The following FOXN3 variants were observed in gnomAD, a reference collection of about 807,000 sequenced individuals.
FOXN3 encodes the protein forkhead box N3.
Under a neutral mutation model 38.4 loss-of-function variants are expected in FOXN3, and 7 were observed. That is an observed-to-expected ratio of 0.18 (90% CI 0.10 to 0.34). The LOEUF (loss-of-function observed/expected upper bound fraction) is 0.34, where lower values mean the gene tolerates loss of function less well. Ranked by LOEUF, FOXN3 falls within the 10% of genes least tolerant of loss-of-function variation. FOXN3 has a pLI of 1.00. For missense variants in FOXN3, 456 were observed against 613.4 expected (o/e 0.74, Z 2.71); for synonymous variants, 230 against 242.2 (o/e 0.95, Z 0.47).
Position 89,158,777 on chromosome 14 carries a change from T to G in FOXN3, c.*3637A>C, listed in dbSNP as rs1005860881. 1 of 152,682 alleles carries G rather than the reference T, an allele frequency of 6.5e-6. No individual in the cohort carries two copies. The highest frequency in any genetic ancestry group is 1.5e-5 in the Non-Finnish European group (1 of 68,002). The allele number at this position is 152,682 out of a possible 1,614,324, so 9.5% of individuals were successfully genotyped here. ...TCTCTTAAATGTATCCGAGGGCCAA[T>G]AGCAAGTAATCGTAGACGTCGTGGT... On this transcript the variant is annotated 3_prime_UTR_variant, in exon 6 of 6. Transcript: ENST00000557258.
At chr14:89,525,489 A>C (rs912121179) in intron 1 of FOXN3, among the ~76,000 whole-genome samples, 1 of 152,164 alleles carries the variant, frequency 6.6e-6, no homozygotes, top group Non-Finnish European at 1.5e-5. Flanking sequence ...TTCCCAGAAA[A>C]CCCATGTATA....
rs116352795 is a variant in FOXN3, at chr14:89,585,425, A to T, written c.-15+33603T>A. On this transcript the variant is annotated intron_variant, in intron 1 of 6. Transcript: ENST00000345097. Reference sequence around the variant, plus strand: ...TTAATAAGAAAAGTAAATGTGTTTAAGTCATGTCTGCTTTATCATATGTAT... The same window carrying T: ...TTAATAAGAAAAGTAAATGTGTTTATGTCATGTCTGCTTTATCATATGTAT... 3.0e-3 allele frequency among the ~76,000 whole-genome samples: 453 copies of T among 152,324 alleles called. 4 individuals carry two copies. The highest frequency in any genetic ancestry group is 0.011 in the African/African-American group (438 of 41,568).
chr14:89,453,683 G>C (rs1892665695), intron 1 of FOXN3, among the ~76,000 whole-genome samples: 1 of 151,012 alleles, frequency 6.6e-6, no homozygotes, highest in South Asian at 2.1e-4. Flanking sequence ...AAATTGAAAA[G>C]ATGGGTAAAA....
chr14:89,460,975 C>T (rs1026338320), intron 1 of FOXN3, among the ~76,000 whole-genome samples: 3 of 148,266 alleles, frequency 2.0e-5, no homozygotes, highest in African/African-American at 7.6e-5. Context: ...TTGCAGTGAG[C>T]CGAGATCACG....
chr14:89,491,153 T>G (rs945867952), intron 1 of FOXN3, among the ~76,000 whole-genome samples: 1 of 151,762 alleles, frequency 6.6e-6, no homozygotes, highest in Non-Finnish European at 1.5e-5. Context: ...TTTTTTTTTT[T>G]TAAGTAGAGA....
intron 1 of FOXN3, among the ~76,000 whole-genome samples, chr14:89,598,718 C>T (rs979461781): frequency 1.2e-4 from 18 of 152,260 alleles, no homozygotes; most frequent in Admixed American, 9.8e-4. Context: ...TCTATTGTTC[C>T]AGTTCAAAAG....
At chr14:89,449,527 G>T (rs780453841) in intron 1 of FOXN3, among the ~76,000 whole-genome samples, 2 of 152,176 alleles carry the variant, frequency 1.3e-5, no homozygotes, top group African/African-American at 4.8e-5. Context: ...GTCAATCAGA[G>T]GACTGAGAAA....
At chr14:89,374,290 A>AAAAAAAAG (rs60304712) in intron 2 of FOXN3, among the ~76,000 whole-genome samples, 35 of 126,158 alleles carry the variant, frequency 2.8e-4, no homozygotes, top group East Asian at 1.1e-3. Context: ...AAAAAAAAAA[A>AAAAAAAAG]GAAGGAAGGA....
rs560645065 is a variant in FOXN3, at chr14:89,400,407, C to A, written c.543+11527G>T. ...CCGAATGTCTCCACAGAGCTTGAAA[C>A]TCATATAGGAAACTTCCTGACAGCT... On this transcript the variant is annotated intron_variant, in intron 2 of 5. Transcript: ENST00000557258. Among the ~76,000 whole-genome samples the A allele has an allele frequency of 3.3e-4, 50 of 152,288 alleles. No homozygotes were observed. In the South Asian group the frequency reaches 0.01, roughly 32 times the overall value.
chr14:89,341,462 C>A (rs954889011), intron 3 of FOXN3, among the ~76,000 whole-genome samples: 1 of 152,196 alleles, frequency 6.6e-6, no homozygotes, highest in Non-Finnish European at 1.5e-5. Context: ...ATCAATCCCC[C>A]ATTCTATGTT....
intron 1 of FOXN3, among the ~76,000 whole-genome samples, chr14:89,561,693 C>T (rs146285867): frequency 6.8e-4 from 104 of 152,242 alleles, no homozygotes; most frequent in Non-Finnish European, 1.3e-3. Context: ...GAAGGAAGTG[C>T]GTGTGTAGGA....
chr14:89,458,965 C>A (rs61996465), intron 1 of FOXN3, among the ~76,000 whole-genome samples: 1 of 152,156 alleles, frequency 6.6e-6, no homozygotes, highest in South Asian at 2.1e-4. Context: ...GCTCTCCAAA[C>A]AGACTAGAAA....
intron 4 of FOXN3, among the ~76,000 whole-genome samples, chr14:89,263,193 CTACA>C (rs1243823163): frequency 2.0e-5 from 3 of 152,218 alleles, no homozygotes; most frequent in Non-Finnish European, 4.4e-5. Context: ...CCACTTTTGT[CTACA>C]TAAAATTTTA....
At chr14:89,229,169 G>C (rs376861808) in intron 4 of FOXN3, among the ~76,000 whole-genome samples, 2 of 152,134 alleles carry the variant, frequency 1.3e-5, no homozygotes, top group African/African-American at 4.8e-5. Context: ...CTCGTGTCTA[G>C]GGAAAAAGAG....
At chr14:89,466,123 T>TA (rs773559233) in intron 1 of FOXN3, among the ~76,000 whole-genome samples, 5 of 152,216 alleles carry the variant, frequency 3.3e-5, no homozygotes, top group Non-Finnish European at 4.4e-5. Flanking sequence ...AACTTCCTGG[T>TA]ATTCCAGCCT....
chr14:89,435,049 C>A (rs575121899), intron 1 of FOXN3, among the ~76,000 whole-genome samples: 26 of 152,252 alleles, frequency 1.7e-4, no homozygotes, highest in African/African-American at 6.0e-4. Context: ...ATTAACTTTC[C>A]CCCATATATC....
chr14:89,265,779 T>G (rs1003874657), intron 4 of FOXN3, among the ~76,000 whole-genome samples: 3 of 152,236 alleles, frequency 2.0e-5, no homozygotes, highest in African/African-American at 7.2e-5. Context: ...AGCTTTCTTT[T>G]CATGCTAATT....
intron 4 of FOXN3, among the ~76,000 whole-genome samples, chr14:89,214,150 A>G (rs1884190150): frequency 7.7e-6 from 1 of 130,358 alleles, no homozygotes; most frequent in Admixed American, 8.0e-5. Context: ...TAAAATACCT[A>G]CCAACCAGTC....
chr14:89,598,261 A>C (rs1290974143), intron 1 of FOXN3, among the ~76,000 whole-genome samples: 4 of 152,160 alleles, frequency 2.6e-5, no homozygotes, highest in African/African-American at 9.7e-5. Context: ...CACAAAACAT[A>C]ATAATTATTA....
Sources: gnomAD v4.1 joint callset for allele counts (sites outside exome capture counted in the v4.1 genomes callset) on GRCh38, gnomAD v4.1.1 for gene constraint, MANE v1.5 for transcripts, NCBI Gene and HGNC (gene_info 2026-07-23, HGNC 2026-07-21) for gene names.